Variants in RNGTT observed in about 807,000 individuals in gnomAD.
The protein encoded by RNGTT is RNA guanylyltransferase and 5'-phosphatase.
RNGTT carries 33 observed loss-of-function variants against 79.3 expected under a neutral mutation model. The observed-to-expected ratio is 0.42, with a 90% confidence interval of 0.32 to 0.56. RNGTT has a LOEUF of 0.56. RNGTT is among the 20% of genes least tolerant of loss of function. The pLI, the probability that RNGTT is intolerant of heterozygous loss-of-function variation, is 0.17. For synonymous variants in RNGTT, 222 were observed against 235.9 expected (o/e 0.94, Z 0.54); for missense variants, 497 against 739.1 (o/e 0.67, Z 3.80).
At chr6:88,894,686 A>C (rs1783172569) in intron 6 of RNGTT, among the ~76,000 whole-genome samples, 1 of 152,176 alleles carries the variant, frequency 6.6e-6, no homozygotes, top group Non-Finnish European at 1.5e-5. Flanking sequence ...GACTACCTTC[A>C]TTGTTATGTA....
At chr6:88,753,504 CAAAAAAAAAAAAAATTATATA>C (rs1777907162) in intron 13 of RNGTT, among the ~76,000 whole-genome samples, 2 of 119,122 alleles carry the variant, frequency 1.7e-5, no homozygotes, top group South Asian at 5.1e-4. Context: ...ACCCCTGTCT[CAAAAAAAAAAAAAATTATATA>C]AAACTACTTG....
chr6:88,899,980 G>A (rs898788570), intron 6 of RNGTT, among the ~76,000 whole-genome samples: 1 of 152,112 alleles, frequency 6.6e-6, no homozygotes, highest in African/African-American at 2.4e-5. Flanking sequence ...GTTTCTAACA[G>A]CTCAATCCTT....
intron 13 of RNGTT, among the ~76,000 whole-genome samples, chr6:88,740,708 C>T (rs1186353832): frequency 6.6e-6 from 1 of 151,912 alleles, no homozygotes; most frequent in Non-Finnish European, 1.5e-5. Context: ...GGAAGGTGAA[C>T]AATGAGAACA....
intron 4 of RNGTT, among the ~76,000 whole-genome samples, chr6:88,915,288 A>C (rs1177197478): frequency 6.6e-6 from 1 of 152,226 alleles, no homozygotes; most frequent in Non-Finnish European, 1.5e-5. Context: ...AGGAACACAA[A>C]TCATTCTACC....
chr6:88,719,158 T>G (rs1776622012), intron 13 of RNGTT, among the ~76,000 whole-genome samples: 1 of 152,220 alleles, frequency 6.6e-6, no homozygotes, highest in Admixed American at 6.5e-5. Flanking sequence ...GAGGTCATCA[T>G]GGTTAGCCTT....
intron 12 of RNGTT, among the ~76,000 whole-genome samples, chr6:88,791,285 G>A (rs1224956587): frequency 6.6e-6 from 1 of 151,586 alleles, no homozygotes; most frequent in Non-Finnish European, 1.5e-5. Context: ...CTACAGGTGT[G>A]TGCCACCATG....
Position 88,613,677 on chromosome 6 carries a change from A to G in RNGTT, c.1630+595T>C, listed in dbSNP as rs1269236011. Among the ~76,000 whole-genome samples the G allele has an allele frequency of 3.9e-5, 6 of 152,262 alleles. No homozygotes were observed. In the East Asian group the frequency reaches 1.2e-3, roughly 29 times the overall value. On this transcript the variant is annotated intron_variant, in intron 15 of 15. Coordinates refer to ENST00000369485, the MANE Select transcript of RNGTT (RefSeq NM_003800.5). ...CTTTTTTCAACTCCACTAAAAATGCAATCCAGAACAACAACTGCTACTGGT... is the reference window on the plus strand; with the variant it reads ...CTTTTTTCAACTCCACTAAAAATGCGATCCAGAACAACAACTGCTACTGGT...
At chr6:88,922,862 T>G (rs1041022213) in intron 4 of RNGTT, among the ~76,000 whole-genome samples, 5 of 152,142 alleles carry the variant, frequency 3.3e-5, no homozygotes, top group Admixed American at 1.3e-4. Flanking sequence ...TTGTTAGGTA[T>G]CTCAAGTGTC....
chr6:88,820,712 A>G (rs1235232562), intron 11 of RNGTT, among the ~76,000 whole-genome samples: 3 of 152,166 alleles, frequency 2.0e-5, no homozygotes, highest in Admixed American at 2.0e-4. Flanking sequence ...TTACATTAGC[A>G]CCCTCCAAAA....
At chr6:88,777,032 G>C (rs1778911931) in intron 12 of RNGTT, among the ~76,000 whole-genome samples, 1 of 152,108 alleles carries the variant, frequency 6.6e-6, no homozygotes, top group Non-Finnish European at 1.5e-5. Context: ...TTTTGTGTAT[G>C]GTATAAGGGT....
At chr6:88,875,243 A>G (rs1361661890) in intron 8 of RNGTT, among the ~76,000 whole-genome samples, 1 of 152,086 alleles carries the variant, frequency 6.6e-6, no homozygotes, top group Non-Finnish European at 1.5e-5. Context: ...AGCCTATATC[A>G]TATCCCATTA....
chr6:88,664,081 C>A (rs1489529181), intron 14 of RNGTT, among the ~76,000 whole-genome samples: 1 of 152,024 alleles, frequency 6.6e-6, no homozygotes, highest in Non-Finnish European at 1.5e-5. Context: ...ATTATCAGAA[C>A]CCCCAAGAGT....
intron 5 of RNGTT, among the ~76,000 whole-genome samples, chr6:88,905,897 C>A (rs1297581377): frequency 6.6e-6 from 1 of 152,180 alleles, no homozygotes; most frequent in Non-Finnish European, 1.5e-5. Flanking sequence ...GTAATCCCAA[C>A]ATTTTGGGAG....
At chr6:88,614,868 C>A (rs527722571) in intron 14 of RNGTT, among the ~76,000 whole-genome samples, 2 of 152,188 alleles carry the variant, frequency 1.3e-5, no homozygotes, top group Non-Finnish European at 2.9e-5. Context: ...ATACTAGGAT[C>A]AAATTCAGGC....
chr6:88,758,249 T>C (rs1430153468), intron 13 of RNGTT, among the ~76,000 whole-genome samples: 1 of 152,226 alleles, frequency 6.6e-6, no homozygotes, highest in Non-Finnish European at 1.5e-5. Flanking sequence ...CAATTTTTGA[T>C]AAGAAATTAC....
intron 2 of RNGTT, among the ~76,000 whole-genome samples, chr6:88,932,378 C>G (rs145165460): frequency 0.022 from 3,344 of 152,232 alleles, 120 homozygotes; most frequent in African/African-American, 0.077. Context: ...TCGCCCTGAC[C>G]TTGTGATCTC....
chr6:88,804,582 T>A (rs1020030546), intron 11 of RNGTT, among the ~76,000 whole-genome samples: 1 of 152,198 alleles, frequency 6.6e-6, no homozygotes, highest in African/African-American at 2.4e-5. Flanking sequence ...AAAGGTTTTC[T>A]AAGAATAGAG....
intron 14 of RNGTT, among the ~76,000 whole-genome samples, chr6:88,676,419 T>C (rs1416440144): frequency 6.6e-6 from 1 of 152,168 alleles, no homozygotes; most frequent in East Asian, 1.9e-4. Context: ...ACTTGACTCT[T>C]CTATAAAAAT....
intron 1 of RNGTT, among the ~76,000 whole-genome samples, chr6:88,944,382 T>C (rs1265224421): frequency 6.6e-6 from 1 of 152,222 alleles, no homozygotes; most frequent in African/African-American, 2.4e-5. Context: ...TATTCAACAA[T>C]GCCTCTCCAC....
Sources: gnomAD v4.1 joint callset for allele counts (sites outside exome capture counted in the v4.1 genomes callset) on GRCh38, gnomAD v4.1.1 for gene constraint, MANE v1.5 for transcripts, NCBI Gene and HGNC (gene_info 2026-07-23, HGNC 2026-07-21) for gene names.